Variants in WARS2 observed in about 807,000 individuals in gnomAD.
WARS2 encodes tryptophan--tRNA ligase, mitochondrial.
In WARS2, 28 loss-of-function variants were observed where a neutral mutation model predicts 36.5. The ratio of observed to expected loss-of-function variants is 0.77; its 90% CI spans 0.57 to 1.05. WARS2 has a LOEUF of 1.05. Among genes scored for constraint, WARS2 ranks in the 50% least tolerant of loss-of-function variants. The pLI is 0.00. For synonymous variants in WARS2, 174 were observed against 178.4 expected (o/e 0.98, Z 0.20); for missense variants, 435 against 456.8 (o/e 0.95, Z 0.44).
intron 1 of WARS2, among the ~76,000 whole-genome samples, chr1:119,097,270 C>G (rs906581317): frequency 6.6e-6 from 1 of 152,124 alleles, no homozygotes; most frequent in Middle Eastern, 3.2e-3. Flanking sequence ...GCCCAATTAC[C>G]GATCAGATGT....
chr1:119,134,338 A>AAAC (rs1656337495), intron 1 of WARS2, among the ~76,000 whole-genome samples: 2 of 151,190 alleles, frequency 1.3e-5, no homozygotes, highest in Admixed American at 1.3e-4. Context: ...AAAAAAAAAA[A>AAAC]AAACAAAGAC....
chr1:119,130,524 G>C (rs900735670), intron 1 of WARS2, among the ~76,000 whole-genome samples: 2 of 152,150 alleles, frequency 1.3e-5, no homozygotes, highest in Non-Finnish European at 2.9e-5. Flanking sequence ...AAATTGGTAT[G>C]ACCTTCCAAT....
In WARS2 at chr1:119,032,771, A is replaced by G. The variant is rs1346525934; in HGVS notation, c.*140T>C. On this transcript the variant is annotated 3_prime_UTR_variant, in exon 6 of 6. Transcript: ENST00000235521. ...TCGTATTTCAAAGCTACAAAGCAAT[A>G]TTCATCAAATAAAGCCAATAATCAG... 25 of 779,916 alleles carry G rather than the reference A, an allele frequency of 3.2e-5. No homozygotes were observed. The highest frequency in any genetic ancestry group is 4.4e-5 in the Non-Finnish European group (22 of 498,096). 48.3% of individuals were successfully genotyped at this position (779,916 alleles called of 1,614,324 possible).
intron 1 of WARS2, among the ~76,000 whole-genome samples, chr1:119,093,969 C>G (rs975634752): frequency 6.6e-6 from 1 of 152,154 alleles, no homozygotes; most frequent in Admixed American, 6.6e-5. Flanking sequence ...GTTGTGGTGA[C>G]TGACCAAACC....
In WARS2 at chr1:119,136,635, T is replaced by C. The variant is rs587742017; in HGVS notation, c.90+3920A>G. Among the ~76,000 whole-genome samples, 4 of 152,332 alleles carry C rather than the reference T, an allele frequency of 2.6e-5. No homozygotes were observed. The South Asian group carries it at 8.3e-4, about 32-fold the overall frequency. Reference sequence around the variant, plus strand: ...ACCATGCTGATTAGCTCATGTTGCATGTTGCATGAACAATACATGGCAGAG... The same window carrying C: ...ACCATGCTGATTAGCTCATGTTGCACGTTGCATGAACAATACATGGCAGAG... On this transcript the variant is annotated intron_variant, in intron 1 of 5. Transcript: ENST00000235521.
At chr1:119,035,312 T>A (rs927679368) in intron 4 of WARS2, among the ~76,000 whole-genome samples, 1 of 152,166 alleles carries the variant, frequency 6.6e-6, no homozygotes, top group Non-Finnish European at 1.5e-5. Flanking sequence ...GAGGTTTTTT[T>A]AATCAAAGAA....
intron 1 of WARS2, among the ~76,000 whole-genome samples, chr1:119,123,798 C>T (rs1655480906): frequency 6.6e-6 from 1 of 151,592 alleles, no homozygotes; most frequent in Non-Finnish European, 1.5e-5. Flanking sequence ...CTCCCTCCTT[C>T]CCCTCCTCTC....
At chr1:119,055,751 A>G (rs1329394627) in intron 2 of WARS2, among the ~76,000 whole-genome samples, 6 of 151,572 alleles carry the variant, frequency 4.0e-5, no homozygotes, top group Admixed American at 1.3e-4. Context: ...GGGAGGGAGG[A>G]AGGAAGGAAG....
At position 119,085,572 on chromosome 1, in the gene WARS2, G is replaced by A. The variant is rs1652586714; in HGVS notation, c.91-8965C>T. 19 of 1,593,400 alleles carry A rather than the reference G, an allele frequency of 1.2e-5. 1 individual carries two copies. In the Middle Eastern group the frequency reaches 2.2e-3, roughly 181 times the overall value. On this transcript the variant is annotated intron_variant, in intron 1 of 5. Transcript: ENST00000235521. Reference sequence around the variant, plus strand: ...ACAGCCCTTCTCCTGGAGCTCTTTGGTCACATCATCCATTTCTTCTGAGTC... The same window carrying A: ...ACAGCCCTTCTCCTGGAGCTCTTTGATCACATCATCCATTTCTTCTGAGTC...
At chr1:119,042,459 A>C in intron 3 of WARS2, 110 bp from the exon 4 acceptor site, 1 of 891,950 alleles carries the variant, frequency 1.1e-6, no homozygotes, top group Non-Finnish European at 1.8e-6. Flanking sequence ...ATCTGAAGCC[A>C]CCTGTAATAA....
chr1:119,040,820 C>T (rs1392439061), intron 4 of WARS2, among the ~76,000 whole-genome samples: 4 of 152,110 alleles, frequency 2.6e-5, no homozygotes, highest in Admixed American at 2.0e-4. Flanking sequence ...TTCACAGAAC[C>T]TTTACAAGCA....
chr1:119,133,153 T>C (rs1472196507), intron 1 of WARS2, among the ~76,000 whole-genome samples: 2 of 152,204 alleles, frequency 1.3e-5, no homozygotes, highest in Non-Finnish European at 2.9e-5. Context: ...GACTCATGTG[T>C]TAAAAGCCCT....
At chr1:119,118,316 A>T (rs906387064) in intron 1 of WARS2, among the ~76,000 whole-genome samples, 3 of 152,056 alleles carry the variant, frequency 2.0e-5, no homozygotes, top group African/African-American at 7.2e-5. Context: ...GAATTGAACA[A>T]GCAGAAGAAA....
chr1:119,105,549 G>C (rs1004172970), intron 1 of WARS2, among the ~76,000 whole-genome samples: 1 of 152,080 alleles, frequency 6.6e-6, no homozygotes, highest in Non-Finnish European at 1.5e-5. Context: ...ATAAGTGACC[G>C]ACAAAGTGCA....
intron 2 of WARS2, among the ~76,000 whole-genome samples, chr1:119,067,462 T>A (rs796485426): frequency 2.0e-5 from 3 of 152,182 alleles, no homozygotes; most frequent in Non-Finnish European, 4.4e-5. Context: ...TTCAAATATT[T>A]CTTAAAAAGT....
intron 1 of WARS2, among the ~76,000 whole-genome samples, chr1:119,105,977 G>T (rs1654207579): frequency 6.6e-6 from 1 of 152,056 alleles, no homozygotes; most frequent in South Asian, 2.1e-4. Flanking sequence ...ACTGATCAAA[G>T]AATATGAGTA....
chr1:119,104,025 C>T (rs1431140196), intron 1 of WARS2, among the ~76,000 whole-genome samples: 3 of 150,730 alleles, frequency 2.0e-5, no homozygotes, highest in African/African-American at 4.9e-5. Flanking sequence ...CACTATATTG[C>T]TCAGGCTGGT....
At chr1:119,139,862 T>A (rs768326144) in intron 1 of WARS2, 1 of 152,132 alleles carries the variant, frequency 6.6e-6, no homozygotes, top group Admixed American at 6.5e-5. Flanking sequence ...TTTTTTGCTA[T>A]GAGGGTAAAA....
rs148191227 is a variant in WARS2 at position 119,111,828 on chromosome 1, A to G, written c.90+28727T>C. On this transcript the variant is annotated intron_variant, in intron 1 of 5. Transcript: ENST00000235521. ...AGTACATTGTGGTTCTCTGTATCCA[A>G]ATATCTGTATCTCCAATTTTGGGGG... Among the ~76,000 whole-genome samples, 462 of 152,216 alleles carry G rather than the reference A, an allele frequency of 3.0e-3. 2 individuals carry two copies. The highest frequency in any genetic ancestry group is 0.01 in the Middle Eastern group (3 of 294).
Sources: gnomAD v4.1 joint callset for allele counts (sites outside exome capture counted in the v4.1 genomes callset) on GRCh38, gnomAD v4.1.1 for gene constraint, MANE v1.5 for transcripts, NCBI Gene and HGNC (gene_info 2026-07-23, HGNC 2026-07-21) for gene names.